The following TAFA2 variants were observed in gnomAD, a reference collection of about 807,000 sequenced individuals.
TAFA2 encodes TAFA chemokine like family member 2, also known as chemokine-like protein TAFA-2.
A neutral mutation model predicts 18.8 loss-of-function variants in TAFA2; 7 were observed. The observed-to-expected ratio is 0.37, with a 90% CI of 0.21 to 0.70. The LOEUF is 0.70. Ranked by LOEUF, TAFA2 falls within the 30% of genes least tolerant of loss-of-function variation. TAFA2 has a pLI of 0.53. For synonymous variants in TAFA2, 60 were observed against 54.2 expected, an observed-to-expected ratio of 1.11 and a Z score of -0.47; for missense variants, 122 against 158.1, an observed-to-expected ratio of 0.77 and a Z score of 1.23.
intron 1 of TAFA2, among the ~76,000 whole-genome samples, chr12:61,995,044 A>C (rs1454178532): frequency 6.6e-6 from 1 of 152,162 alleles, no homozygotes; most frequent in Non-Finnish European, 1.5e-5. Context: ...GAGTGTTCCT[A>C]TTAACATAAA....
intron 1 of TAFA2, among the ~76,000 whole-genome samples, chr12:62,112,052 C>A (rs1431783217): frequency 6.6e-6 from 1 of 152,046 alleles, no homozygotes; most frequent in African/African-American, 2.4e-5. Context: ...GGTTATTTTG[C>A]CCATTAGTTG....
At chr12:61,991,904 C>T (rs1880023805) in intron 1 of TAFA2, among the ~76,000 whole-genome samples, 1 of 152,162 alleles carries the variant, frequency 6.6e-6, no homozygotes, top group South Asian at 2.1e-4. Flanking sequence ...CTGATGACTT[C>T]CTGCTTTTGA....
At chr12:61,780,022 C>T (rs1026378851) in intron 2 of TAFA2, among the ~76,000 whole-genome samples, 4 of 151,700 alleles carry the variant, frequency 2.6e-5, no homozygotes, top group Non-Finnish European at 5.9e-5. Context: ...TGTTTGAGGA[C>T]ATCAGATAAC....
At chr12:61,751,685 T>G (rs769114437) in intron 4 of TAFA2, among the ~76,000 whole-genome samples, 4 of 152,074 alleles carry the variant, frequency 2.6e-5, no homozygotes, top group Non-Finnish European at 4.4e-5. Context: ...GATAATGTCT[T>G]ATAACTAAAA....
At chr12:61,776,135 T>C in intron 2 of TAFA2, 3 of 411,278 alleles carry the variant, frequency 7.3e-6, no homozygotes, top group Non-Finnish European at 1.4e-5. Context: ...AGCATGCTGT[T>C]GGCATTATTG....
chr12:61,968,672 A>C (rs1879147164), intron 1 of TAFA2, among the ~76,000 whole-genome samples: 1 of 151,778 alleles, frequency 6.6e-6, no homozygotes, highest in East Asian at 1.9e-4. Context: ...CACTGTGCTA[A>C]TCATTTTTCA....
intron 4 of TAFA2, among the ~76,000 whole-genome samples, chr12:61,753,313 C>T (rs904013956): frequency 6.6e-6 from 1 of 152,006 alleles, no homozygotes; most frequent in Non-Finnish European, 1.5e-5. Flanking sequence ...TGGGGTCACC[C>T]TCCCAGAATT....
intron 1 of TAFA2, chr12:61,879,568 A>G: frequency 1.3e-6 from 1 of 744,698 alleles, no homozygotes; most frequent in Non-Finnish European, 2.4e-6. Context: ...GGACCCCAAC[A>G]TCCAGGCCAG....
At chr12:61,966,241 G>C (rs941492305) in intron 1 of TAFA2, among the ~76,000 whole-genome samples, 2 of 151,938 alleles carry the variant, frequency 1.3e-5, no homozygotes, top group Non-Finnish European at 2.9e-5. Context: ...ATTTCTCACA[G>C]TTCTGGAGGC....
intron 1 of TAFA2, among the ~76,000 whole-genome samples, chr12:62,135,087 C>T (rs1870842752): frequency 1.3e-5 from 2 of 152,020 alleles, no homozygotes; most frequent in Admixed American, 1.3e-4. Context: ...ATCACAAGTA[C>T]TATAATAATT....
chr12:62,198,140 TC>T (rs1487408163), intron 1 of TAFA2: 5 of 151,526 alleles, frequency 3.3e-5, no homozygotes, highest in Admixed American at 2.6e-4. Flanking sequence ...TTACCTCAAA[TC>T]CCCACAACAT....
At chr12:62,147,763 C>T (rs759680339) in intron 1 of TAFA2, among the ~76,000 whole-genome samples, 1 of 141,460 alleles carries the variant, frequency 7.1e-6, no homozygotes, top group African/African-American at 2.6e-5. Flanking sequence ...AAACCATTAA[C>T]AGAATAAACA....
chr12:61,891,179 T>C (rs1260905641), intron 1 of TAFA2, among the ~76,000 whole-genome samples: 4 of 152,154 alleles, frequency 2.6e-5, no homozygotes, highest in Non-Finnish European at 5.9e-5. Context: ...TATTGATCAG[T>C]GTTTGGGGGG....
chr12:61,877,221 G>A (rs7299131), intron 1 of TAFA2, among the ~76,000 whole-genome samples: 4 of 151,854 alleles, frequency 2.6e-5, no homozygotes, highest in Middle Eastern at 3.2e-3. Flanking sequence ...GATTTCAGTA[G>A]CTTTTAGAAT....
At chr12:62,211,298 G>A (rs1016770911) in intron 1 of TAFA2, among the ~76,000 whole-genome samples, 1 of 152,130 alleles carries the variant, frequency 6.6e-6, no homozygotes, top group African/African-American at 2.4e-5. Context: ...CAGAAAAATG[G>A]GCCAGGCACA....
At chr12:61,766,011 C>T (rs1161706877) in intron 2 of TAFA2, among the ~76,000 whole-genome samples, 1 of 152,012 alleles carries the variant, frequency 6.6e-6, no homozygotes, top group Non-Finnish European at 1.5e-5. Flanking sequence ...CCCTGTAAGT[C>T]TGCCTTTTGT....
At chr12:62,185,376 T>C (rs1265531046) in intron 1 of TAFA2, among the ~76,000 whole-genome samples, 1 of 152,166 alleles carries the variant, frequency 6.6e-6, no homozygotes, top group Admixed American at 6.5e-5. Context: ...CTTTCTACAC[T>C]GTGAAAAAGA....
chr12:61,897,445 TA>T (rs1236498063), intron 1 of TAFA2, among the ~76,000 whole-genome samples: 1 of 152,124 alleles, frequency 6.6e-6, no homozygotes, highest in African/African-American at 2.4e-5. Context: ...AAAAGAAGTT[TA>T]ATTGACTCAC....
Position 62,069,704 on chromosome 12 carries a change from A to G in TAFA2, c.-2+121555T>C, listed in dbSNP as rs149130261. Among the ~76,000 whole-genome samples, 402 of 152,344 alleles carry G rather than the reference A, an allele frequency of 2.6e-3. 1 individual carries two copies. The highest frequency in any genetic ancestry group is 4.1e-3 in the Non-Finnish European group (278 of 68,024). ...AAGAAAACACATAATATATTGTTAC[A>G]TAGGACTCAACTGTCCCCTTTGGTT... On this transcript the variant is annotated intron_variant, in intron 1 of 4. Transcript: ENST00000416284.
Sources: allele counts gnomAD v4.1 joint callset (sites outside exome capture counted in the v4.1 genomes callset), GRCh38; gene constraint gnomAD v4.1.1; transcripts MANE v1.5; gene names NCBI Gene and HGNC (gene_info 2026-07-23, HGNC 2026-07-21).